Variants in NEMP2 observed in about 807,000 individuals in gnomAD.
NEMP2 encodes the protein nuclear envelope integral membrane protein 2, also known as UPF0571 transmembrane protein.
A neutral mutation model predicts 54.2 loss-of-function variants in NEMP2; 53 were observed. That is an observed-to-expected ratio of 0.98 (90% confidence interval 0.78 to 1.23). The LOEUF is 1.23. NEMP2 is among the 50% of genes most tolerant of loss of function. The probability of loss-of-function intolerance (pLI) is 0.00; values close to 1 mark genes in which losing one functional copy is unlikely to be tolerated. For missense variants in NEMP2, 455 were observed against 511.3 expected (o/e 0.89, Z 1.06); for synonymous variants, 197 against 190.3 (o/e 1.04, Z -0.29).
At position 190,513,716 on chromosome 2, in the gene NEMP2, TATTC is replaced by T. The variant is rs1468643622; in HGVS notation, c.953+733_953+736del. Among the ~76,000 whole-genome samples, 1 of 152,238 alleles carries T rather than the reference TATTC, an allele frequency of 6.6e-6. No individual in the cohort carries two copies. The highest frequency in any genetic ancestry group is 1.5e-5 in the Non-Finnish European group (1 of 68,042). ...CCGCATTTATTCGTCTGGTTATTTTTATTCATTCTTTAAGATTCAGCGTAGTAAT... is the reference window on the plus strand; with the variant it reads ...CCGCATTTATTCGTCTGGTTATTTTTATTCTTTAAGATTCAGCGTAGTAAT... On this transcript the variant is annotated intron_variant, in intron 7 of 8. Transcript: ENST00000409150. The surrounding 1 kb of genome is among the most constrained non-coding windows in gnomAD (Gnocchi z 5.3).
the NEMP2 span, among the ~76,000 whole-genome samples, chr2:190,623,965 T>C: frequency 6.6e-6 from 1 of 152,088 alleles, no homozygotes; most frequent in African/African-American, 2.4e-5. Context: ...AAGATTCAAC[T>C]CTATAGCAAA....
At chr2:190,444,331 A>G in the NEMP2 span, among the ~76,000 whole-genome samples, 1 of 152,220 alleles carries the variant, frequency 6.6e-6, no homozygotes, top group Non-Finnish European at 1.5e-5. Context: ...AGTTTTTCAC[A>G]GAGGTACGAA....
chr2:190,546,605 C>T, the NEMP2 span, among the ~76,000 whole-genome samples: 183 of 152,214 alleles, frequency 1.2e-3, no homozygotes, highest in Non-Finnish European at 2.1e-3. This position sits in a 1 kb window ranked among gnomAD's most constrained non-coding sequence, Gnocchi z 5.1. Context: ...AAGTCTCTAA[C>T]GTTAGATGAA....
chr2:190,551,566 TC>T, the NEMP2 span, among the ~76,000 whole-genome samples: 1 of 152,198 alleles, frequency 6.6e-6, no homozygotes, highest in Non-Finnish European at 1.5e-5. Context: ...GCATTTCATT[TC>T]TTGTATCATT....
the NEMP2 span, chr2:190,607,754 A>G: frequency 2.0e-5 from 3 of 152,108 alleles, no homozygotes; most frequent in Non-Finnish European, 2.9e-5. The surrounding 1 kb of genome is among the most constrained non-coding windows in gnomAD (Gnocchi z 5.2). Flanking sequence ...TGCAATCATC[A>G]CCTCCAGCCA....
the NEMP2 span, among the ~76,000 whole-genome samples, chr2:190,470,831 G>A: frequency 6.6e-6 from 1 of 151,724 alleles, no homozygotes; most frequent in African/African-American, 2.4e-5. Flanking sequence ...ATTCATCATA[G>A]CAATGAAAAA....
chr2:190,510,507 C>T lies in NEMP2; in HGVS notation c.984G>A (p.Glu328=). Residue 328 remains glutamate, a synonymous_variant, in exon 8 of 9, where the codon GAG becomes GAA. Transcript: ENST00000409150. This position sits in a 1 kb window ranked among gnomAD's most constrained non-coding sequence, Gnocchi z 5.7. ...CTTCCGTAAGATATTTCACCACCAG[C>T]TCTTTTGATGTAAACCACTGCTCCA... is the stretch of plus-strand genomic sequence containing the variant. ...WKMEQWFTSK[E]LVVKYLTEDE... The T allele has an allele frequency of 6.4e-7, 1 of 1,552,012 alleles. No individual in the cohort carries two copies. Among genetic ancestry groups the T allele is most frequent in the Non-Finnish European group, 8.7e-7 (1 of 1,147,056 alleles).
chr2:190,565,727 A>G, the NEMP2 span, among the ~76,000 whole-genome samples: 1 of 152,202 alleles, frequency 6.6e-6, no homozygotes, highest in Admixed American at 6.5e-5. Context: ...TGAAGTCCCA[A>G]CACAGAGAAC....
At chr2:190,460,608 T>G in the NEMP2 span, among the ~76,000 whole-genome samples, 1 of 152,250 alleles carries the variant, frequency 6.6e-6, no homozygotes, top group African/African-American at 2.4e-5. Context: ...GTCCTCACCC[T>G]GCATGCAGAA....
chr2:190,604,425 T>C, the NEMP2 span, among the ~76,000 whole-genome samples: 1 of 152,318 alleles, frequency 6.6e-6, no homozygotes, highest in Admixed American at 6.5e-5. The surrounding 1 kb of genome is among the most constrained non-coding windows in gnomAD (Gnocchi z 4.5). Flanking sequence ...TGAACACAGG[T>C]GAGTCGGCTT....
At chr2:190,616,842 C>G in the NEMP2 span, 1 of 151,822 alleles carries the variant, frequency 6.6e-6, no homozygotes, top group South Asian at 2.1e-4. This position sits in a 1 kb window ranked among gnomAD's most constrained non-coding sequence, Gnocchi z 5.1. Flanking sequence ...GGTGTTGTGG[C>G]TGATGTCTAT....
chr2:190,602,010 GGCTA>G, the NEMP2 span, among the ~76,000 whole-genome samples: 1 of 152,108 alleles, frequency 6.6e-6, no homozygotes, highest in Non-Finnish European at 1.5e-5. Context: ...AACTCAAGCT[GGCTA>G]AAATGAACAC....
the NEMP2 span, among the ~76,000 whole-genome samples, chr2:190,606,451 C>T: frequency 1.3e-5 from 2 of 152,252 alleles, no homozygotes; most frequent in African/African-American, 2.4e-5. Flanking sequence ...GTGGCTTACG[C>T]CTGTAATCCC....
upstream of NEMP2, among the ~76,000 whole-genome samples, chr2:190,537,201 G>GT: frequency 6.6e-6 from 1 of 152,312 alleles, no homozygotes; most frequent in Middle Eastern, 3.4e-3. Flanking sequence ...TAAAAACACC[G>GT]TATCAGAAAT....
chr2:190,541,176 A>G, the NEMP2 span, among the ~76,000 whole-genome samples: 1 of 130,100 alleles, frequency 7.7e-6, no homozygotes, highest in African/African-American at 2.7e-5. The surrounding 1 kb of genome is among the most constrained non-coding windows in gnomAD (Gnocchi z 5.2). Flanking sequence ...TTTTATATAT[A>G]TGTGTATATA....
chr2:190,609,499 T>A, the NEMP2 span: 16 of 152,254 alleles, frequency 1.1e-4, no homozygotes, highest in East Asian at 3.1e-3. This position sits in a 1 kb window ranked among gnomAD's most constrained non-coding sequence, Gnocchi z 4.7. Context: ...TAAGAATTCC[T>A]TCATTATCTT....
At chr2:190,639,438 A>T in the NEMP2 span, among the ~76,000 whole-genome samples, 1 of 104,042 alleles carries the variant, frequency 9.6e-6, no homozygotes, top group African/African-American at 3.4e-5. Flanking sequence ...GGGACAGATG[A>T]CATTAAGTGC....
At chr2:190,500,326 C>G, downstream of NEMP2, 1 of 1,099,132 alleles carries the variant, frequency 9.1e-7, no homozygotes, top group South Asian at 1.4e-5. This position sits in a 1 kb window ranked among gnomAD's most constrained non-coding sequence, Gnocchi z 5.3. Flanking sequence ...CACAGCACTG[C>G]ATATGCTTCT....
the NEMP2 span, among the ~76,000 whole-genome samples, chr2:190,588,913 C>A: frequency 6.6e-6 from 1 of 152,146 alleles, no homozygotes. The surrounding 1 kb of genome is among the most constrained non-coding windows in gnomAD (Gnocchi z 5.0). Context: ...CACTCAATTT[C>A]TTTCGTAGTC....
Sources: gnomAD v4.1 joint callset for allele counts (sites outside exome capture counted in the v4.1 genomes callset) on GRCh38, gnomAD v4.1.1 for gene constraint, Gnocchi (gnomAD v3.1) non-coding constraint, MANE v1.5 for transcripts, NCBI Gene and HGNC (gene_info 2026-07-23, HGNC 2026-07-21) for gene names.